Variants in LOC122539214 observed in about 807,000 individuals in gnomAD.
chr19:52,662,555 T>C, the LOC122539214 span, among the ~76,000 whole-genome samples: 395 of 152,324 alleles, frequency 2.6e-3, 3 homozygotes, highest in Non-Finnish European at 4.0e-3. Context: ...TCCATTCTGG[T>C]ACTTGTGTTT....
the LOC122539214 span, among the ~76,000 whole-genome samples, chr19:52,667,123 T>C: frequency 3.3e-5 from 5 of 151,874 alleles, no homozygotes; most frequent in East Asian, 1.9e-4. Context: ...AAAGTTAACA[T>C]TGTAACATGT....
At chr19:52,657,030 T>G in the LOC122539214 span, among the ~76,000 whole-genome samples, 1 of 151,628 alleles carries the variant, frequency 6.6e-6, no homozygotes, top group Non-Finnish European at 1.5e-5. Context: ...GTGGGAGGAT[T>G]GCTTGAGCCT....
chr19:52,674,818 A>G, the LOC122539214 span, among the ~76,000 whole-genome samples: 3 of 152,250 alleles, frequency 2.0e-5, no homozygotes, highest in Non-Finnish European at 2.9e-5. Flanking sequence ...TCGTTAAATG[A>G]TTATACAACC....
At chr19:52,686,526 C>T in the LOC122539214 span, among the ~76,000 whole-genome samples, 1 of 150,246 alleles carries the variant, frequency 6.7e-6, no homozygotes, top group African/African-American at 2.4e-5. Context: ...AAATCTATTA[C>T]ACAACAAGAA....
chr19:52,675,422 T>C, the LOC122539214 span, among the ~76,000 whole-genome samples: 1 of 152,166 alleles, frequency 6.6e-6, no homozygotes, highest in African/African-American at 2.4e-5. Context: ...ATACAAGGGC[T>C]GAGCTGGGAC....
the LOC122539214 span, among the ~76,000 whole-genome samples, chr19:52,690,270 A>G: frequency 1.3e-5 from 2 of 152,044 alleles, no homozygotes; most frequent in Non-Finnish European, 2.9e-5. Flanking sequence ...GACCAACCTC[A>G]GGGCGACTTT....
the LOC122539214 span, chr19:52,650,894 G>T: frequency 6.6e-6 from 1 of 152,140 alleles, no homozygotes; most frequent in Non-Finnish European, 1.5e-5. Flanking sequence ...GAGTGGTCAA[G>T]GGAGGGAAAT....
chr19:52,687,315 G>A, the LOC122539214 span, among the ~76,000 whole-genome samples: 134 of 135,958 alleles, frequency 9.9e-4, 4 homozygotes, highest in East Asian at 0.019. Context: ...TTAAAACCCC[G>A]TTTTACAATT....
the LOC122539214 span, chr19:52,655,510 C>T: frequency 7.1e-7 from 1 of 1,418,132 alleles, no homozygotes; most frequent in Non-Finnish European, 9.8e-7. Context: ...CCAGGAAGAG[C>T]CAAGATAGAC....
At chr19:52,678,449 CAAAAAA>C in the LOC122539214 span, among the ~76,000 whole-genome samples, 2 of 109,704 alleles carry the variant, frequency 1.8e-5, no homozygotes, top group South Asian at 3.2e-4. Flanking sequence ...GACTTCATCT[CAAAAAA>C]AAAAAAAAAG....
the LOC122539214 span, among the ~76,000 whole-genome samples, chr19:52,659,916 T>C: frequency 2.0e-5 from 3 of 152,084 alleles, no homozygotes; most frequent in Non-Finnish European, 2.9e-5. Context: ...CTCGGCTGGG[T>C]GGGCGGTAAC....
the LOC122539214 span, among the ~76,000 whole-genome samples, chr19:52,681,511 C>T: frequency 5.9e-5 from 9 of 152,130 alleles, no homozygotes; most frequent in East Asian, 9.7e-4. Flanking sequence ...TTCCCATGTG[C>T]TATACACTGT....
the LOC122539214 span, among the ~76,000 whole-genome samples, chr19:52,686,917 C>T: frequency 1.3e-5 from 2 of 151,952 alleles, no homozygotes; most frequent in Non-Finnish European, 2.9e-5. Flanking sequence ...TGCAGTGGCT[C>T]ACATCTGTAA....
chr19:52,677,613 C>T, the LOC122539214 span, among the ~76,000 whole-genome samples: 4 of 152,044 alleles, frequency 2.6e-5, no homozygotes, highest in Non-Finnish European at 5.9e-5. Context: ...AACAAAATCC[C>T]CCTTGTAGAT....
chr19:52,664,845 G>A, the LOC122539214 span, among the ~76,000 whole-genome samples: 5 of 152,034 alleles, frequency 3.3e-5, no homozygotes, highest in African/African-American at 7.2e-5. Context: ...CTCACTCTCC[G>A]TGTTTCTGTT....
At chr19:52,671,556 G>A in the LOC122539214 span, among the ~76,000 whole-genome samples, 11 of 151,818 alleles carry the variant, frequency 7.2e-5, 1 homozygote, top group Admixed American at 3.3e-4. Flanking sequence ...CAATCCTCCC[G>A]CCACACCTCC....
At chr19:52,666,983 G>A in the LOC122539214 span, among the ~76,000 whole-genome samples, 1 of 152,156 alleles carries the variant, frequency 6.6e-6, no homozygotes, top group African/African-American at 2.4e-5. Context: ...AAACTTTAAA[G>A]TAGTTACAGA....
the LOC122539214 span, among the ~76,000 whole-genome samples, chr19:52,680,695 C>T: frequency 7.2e-6 from 1 of 139,400 alleles, no homozygotes; most frequent in Non-Finnish European, 1.5e-5. Flanking sequence ...TCACTGCAAG[C>T]TCCGCCTCCC....
the LOC122539214 span, among the ~76,000 whole-genome samples, chr19:52,663,484 T>G: frequency 9.2e-5 from 14 of 152,078 alleles, no homozygotes; most frequent in Non-Finnish European, 2.1e-4. Flanking sequence ...CCAGAGGAAC[T>G]TGAGGAAAAT....
Sources: gnomAD v4.1 joint callset for allele counts (sites outside exome capture counted in the v4.1 genomes callset) on GRCh38, gnomAD v4.1.1 for gene constraint, MANE v1.5 for transcripts.